The following SOX6 variants were observed in gnomAD, a reference collection of about 807,000 sequenced individuals.
SOX6 encodes SRY-box transcription factor 6.
Under a neutral mutation model 97.8 loss-of-function variants are expected in SOX6, and 11 were observed. That is an observed-to-expected ratio of 0.11 (90% CI 0.07 to 0.19). SOX6 has a LOEUF of 0.19. Ranked by LOEUF, SOX6 falls within the 10% of genes least tolerant of loss-of-function variation. SOX6 has a pLI of 1.00. For missense variants in SOX6, 810 were observed against 1,039.5 expected (o/e 0.78, Z 3.04); for synonymous variants, 360 against 371.4 (o/e 0.97, Z 0.35).
chr11:16,213,962 T>TC (rs893383307), intron 4 of SOX6, among the ~76,000 whole-genome samples: 3 of 152,132 alleles, frequency 2.0e-5, no homozygotes, highest in Non-Finnish European at 4.4e-5. Context: ...GCATTAGAAC[T>TC]CCCCAAAAGA....
chr11:15,980,565 T>C (rs1468440979), intron 15 of SOX6, among the ~76,000 whole-genome samples: 1 of 152,038 alleles, frequency 6.6e-6, no homozygotes, highest in African/African-American at 2.4e-5. Context: ...TTCCAAAATC[T>C]TCCTCCACCC....
intron 4 of SOX6, among the ~76,000 whole-genome samples, chr11:16,487,349 G>A (rs1860453052): frequency 6.6e-6 from 1 of 152,236 alleles, no homozygotes; most frequent in South Asian, 2.1e-4. Flanking sequence ...GAGCCCACAG[G>A]ATGAATGGCA....
chr11:16,533,790 A>T (rs1445561501), intron 4 of SOX6, among the ~76,000 whole-genome samples: 3 of 152,228 alleles, frequency 2.0e-5, no homozygotes, highest in African/African-American at 7.2e-5. Flanking sequence ...GTCATTTTTT[A>T]AAATAAACAT....
At chr11:16,317,914 G>A in intron 3 of SOX6, 1 of 449,082 alleles carries the variant, frequency 2.2e-6, no homozygotes, top group South Asian at 1.6e-5. Flanking sequence ...GAAGGTAGAT[G>A]TGGGATGTTG....
chr11:16,479,581 G>A (rs1291682678), upstream of SOX6, among the ~76,000 whole-genome samples: 1 of 148,252 alleles, frequency 6.7e-6, no homozygotes, highest in African/African-American at 2.5e-5. Flanking sequence ...TACAAATGAA[G>A]AAATGCAAAT....
At chr11:16,390,025 A>G (rs1858123374) in intron 1 of SOX6, among the ~76,000 whole-genome samples, 1 of 149,076 alleles carries the variant, frequency 6.7e-6, no homozygotes, top group South Asian at 2.2e-4. Context: ...CTCGAACTGC[A>G]TATTTTGTCT....
chr11:16,581,206 T>G (rs1347235734), intron 4 of SOX6, among the ~76,000 whole-genome samples: 1 of 152,078 alleles, frequency 6.6e-6, no homozygotes, highest in African/African-American at 2.4e-5. Flanking sequence ...CAAATGCCCA[T>G]CAATGATAGG....
At chr11:16,135,545 A>T (rs192246463) in intron 6 of SOX6, among the ~76,000 whole-genome samples, 76 of 152,336 alleles carry the variant, frequency 5.0e-4, no homozygotes, top group African/African-American at 1.8e-3. Context: ...TTCAGCAGAG[A>T]AAATAGTTGC....
At chr11:16,354,900 T>A (rs1002418455) in intron 1 of SOX6, among the ~76,000 whole-genome samples, 22 of 152,044 alleles carry the variant, frequency 1.4e-4, no homozygotes, top group Non-Finnish European at 2.6e-4. Flanking sequence ...TCACACAATT[T>A]TTTTTTATTT....
chr11:16,269,574 G>A (rs534018884), intron 3 of SOX6, among the ~76,000 whole-genome samples: 7 of 150,518 alleles, frequency 4.7e-5, no homozygotes, highest in African/African-American at 1.7e-4. Context: ...CCACCAAAAG[G>A]GGATGTCGTT....
intron 4 of SOX6, among the ~76,000 whole-genome samples, chr11:16,504,321 A>G (rs778607808): frequency 1.3e-5 from 2 of 152,092 alleles, no homozygotes; most frequent in Non-Finnish European, 2.9e-5. Flanking sequence ...TGCAGAGGAC[A>G]TAATCTTACA....
At chr11:16,618,152 G>A (rs1385280699) in intron 3 of SOX6, among the ~76,000 whole-genome samples, 1 of 151,840 alleles carries the variant, frequency 6.6e-6, no homozygotes, top group Admixed American at 6.6e-5. Context: ...TGAAAATAAA[G>A]CATATATTTC....
intron 14 of SOX6, among the ~76,000 whole-genome samples, chr11:15,987,943 G>C (rs1018378705): frequency 6.6e-6 from 1 of 151,530 alleles, no homozygotes; most frequent in Non-Finnish European, 1.5e-5. Context: ...ATTTTTCTTA[G>C]AGGTCACTGC....
At chr11:16,560,247 T>A in intron 4 of SOX6, among the ~76,000 whole-genome samples, 1 of 152,150 alleles carries the variant, frequency 6.6e-6, no homozygotes, top group East Asian at 1.9e-4. Context: ...AGCTCTATAG[T>A]GCATGCCTTA....
intron 3 of SOX6, among the ~76,000 whole-genome samples, chr11:16,293,132 A>G (rs2134261478): frequency 6.6e-6 from 1 of 152,298 alleles, no homozygotes; most frequent in Admixed American, 6.5e-5. Flanking sequence ...TTAACATTTT[A>G]AAATTACTGA....
intron 3 of SOX6, among the ~76,000 whole-genome samples, chr11:16,678,065 T>C (rs1847898001): frequency 6.6e-6 from 1 of 152,226 alleles, no homozygotes; most frequent in Admixed American, 6.5e-5. Flanking sequence ...TCTGACTAGA[T>C]GTTTATCAAC....
chr11:16,120,364 T>C (rs1399014562), intron 6 of SOX6, among the ~76,000 whole-genome samples: 1 of 151,732 alleles, frequency 6.6e-6, no homozygotes, highest in Non-Finnish European at 1.5e-5. Flanking sequence ...CCATCTCTAA[T>C]ATAATGTAAT....
At chr11:16,399,295 T>C (rs1164271847) in intron 1 of SOX6, among the ~76,000 whole-genome samples, 1 of 151,338 alleles carries the variant, frequency 6.6e-6, no homozygotes, top group African/African-American at 2.4e-5. Context: ...AAGATTATAA[T>C]TAACATCCAT....
intron 1 of SOX6, among the ~76,000 whole-genome samples, chr11:16,381,822 G>A (rs1242395842): frequency 6.6e-6 from 1 of 151,150 alleles, no homozygotes; most frequent in Non-Finnish European, 1.5e-5. Flanking sequence ...ACACACACAG[G>A]CAGAGGCACA....
Sources: gnomAD v4.1 joint callset for allele counts (sites outside exome capture counted in the v4.1 genomes callset) on GRCh38, gnomAD v4.1.1 for gene constraint, MANE v1.5 for transcripts, NCBI Gene and HGNC (gene_info 2026-07-23, HGNC 2026-07-21) for gene names.